FNDC3B: variants seen among roughly 807,000 people sequenced by gnomAD.
FNDC3B encodes the protein fibronectin type III domain-containing protein 3B.
A neutral mutation model predicts 151.5 loss-of-function variants in FNDC3B; 12 were observed. The observed-to-expected ratio is 0.08, with a 90% confidence interval of 0.05 to 0.13. The LOEUF is 0.13. FNDC3B is among the 10% of genes least tolerant of loss of function. FNDC3B has a pLI of 1.00. For missense variants in FNDC3B, 1,214 were observed against 1,505.3 expected (o/e 0.81, Z 3.20); for synonymous variants, 528 against 549.0 (o/e 0.96, Z 0.54).
chr3:172,250,817 TTTTTTC>T (rs1471665647), intron 5 of FNDC3B, among the ~76,000 whole-genome samples: 1 of 152,192 alleles, frequency 6.6e-6, no homozygotes, highest in Non-Finnish European at 1.5e-5. Flanking sequence ...TGGCATTTTC[TTTTTTC>T]TTTTTCTTTT....
intron 23 of FNDC3B, among the ~76,000 whole-genome samples, chr3:172,375,255 T>C (rs1735074414): frequency 6.6e-6 from 1 of 152,246 alleles, no homozygotes; most frequent in Admixed American, 6.5e-5. Flanking sequence ...GCATTAGCTA[T>C]GATCATCTTG....
intron 3 of FNDC3B, among the ~76,000 whole-genome samples, chr3:172,175,657 G>T (rs1723545021): frequency 6.6e-6 from 1 of 152,158 alleles, no homozygotes; most frequent in Non-Finnish European, 1.5e-5. Flanking sequence ...CCTTAAAGGG[G>T]TTTAAGTAAA....
intron 7 of FNDC3B, among the ~76,000 whole-genome samples, chr3:172,287,146 A>G (rs1730064434): frequency 6.6e-6 from 1 of 152,058 alleles, no homozygotes; most frequent in Non-Finnish European, 1.5e-5. Context: ...GGGAGGCTCT[A>G]CCCCCAGCTT....
chr3:172,389,759 G>A (rs1323802938), intron 25 of FNDC3B, among the ~76,000 whole-genome samples: 3 of 151,998 alleles, frequency 2.0e-5, no homozygotes, highest in African/African-American at 7.2e-5. Context: ...CCAGCTACTC[G>A]GGAGGCTGAG....
chr3:172,312,618 T>A (rs934380501), intron 11 of FNDC3B, among the ~76,000 whole-genome samples: 13 of 152,090 alleles, frequency 8.5e-5, no homozygotes, highest in African/African-American at 2.9e-4. Context: ...TCAGTTATCT[T>A]CTTAGGGCAC....
intron 3 of FNDC3B, among the ~76,000 whole-genome samples, chr3:172,142,743 T>C (rs1380885144): frequency 6.6e-6 from 1 of 152,196 alleles, no homozygotes; most frequent in Non-Finnish European, 1.5e-5. Context: ...GGAAAGTCAT[T>C]TCCTGATACT....
chr3:172,318,468 G>A (rs150042359), intron 11 of FNDC3B, among the ~76,000 whole-genome samples: 351 of 152,330 alleles, frequency 2.3e-3, no homozygotes, highest in Middle Eastern at 0.017. Context: ...CTCAAGTGTT[G>A]AATAGTTCAT....
At chr3:172,154,599 A>G (rs1394042652) in intron 3 of FNDC3B, among the ~76,000 whole-genome samples, 1 of 152,152 alleles carries the variant, frequency 6.6e-6, no homozygotes, top group African/African-American at 2.4e-5. Flanking sequence ...GAGCTGACTG[A>G]GGGCAGAGAG....
At chr3:172,075,724 A>AACACACAC (rs57920659) in intron 1 of FNDC3B, among the ~76,000 whole-genome samples, 43 of 146,954 alleles carry the variant, frequency 2.9e-4, no homozygotes, top group African/African-American at 7.8e-4. Context: ...TAGCCCAGTA[A>AACACACAC]ACACACACAC....
intron 1 of FNDC3B, among the ~76,000 whole-genome samples, chr3:172,063,575 A>G (rs374302664): frequency 6.6e-6 from 1 of 152,176 alleles, no homozygotes; most frequent in Non-Finnish European, 1.5e-5. Context: ...ACTGTCTGAT[A>G]TGATTGCTGA....
chr3:172,307,526 T>A, intron 10 of FNDC3B, 25 bp downstream of exon 10: 1 of 1,613,316 alleles, frequency 6.2e-7, no homozygotes, highest in Non-Finnish European at 8.5e-7. Context: ...GCATCAAGAA[T>A]CGTCTCAATT....
intron 19 of FNDC3B, among the ~76,000 whole-genome samples, 180 bp downstream of exon 19, chr3:172,344,438 C>T (rs1228583623): frequency 2.0e-5 from 3 of 152,130 alleles, no homozygotes; most frequent in African/African-American, 7.2e-5. Context: ...TTCATATAGA[C>T]CCAGCATTAG....
intron 1 of FNDC3B, among the ~76,000 whole-genome samples, chr3:172,059,424 T>C (rs1717078389): frequency 6.6e-6 from 1 of 152,172 alleles, no homozygotes; most frequent in Non-Finnish European, 1.5e-5. Context: ...AATTTGAAGC[T>C]TATATATAAA....
rs2108443440 is a variant in FNDC3B at position 172,039,667 on chromosome 3, G to C, written c.-133G>C. ...TGGAGGAGGAGAGCGGCGGCGGCGGGAGCAGCGAAGGGGGCGGCAGGGATC... is the reference window on the plus strand; with the variant it reads ...TGGAGGAGGAGAGCGGCGGCGGCGGCAGCAGCGAAGGGGGCGGCAGGGATC... On this transcript the variant is annotated 5_prime_UTR_variant, in exon 1 of 26. Transcript: ENST00000415807. 6.1e-6 allele frequency: 1 copy of C among 164,766 alleles called. No homozygotes were observed. The highest frequency in any genetic ancestry group is 1.3e-5 in the Non-Finnish European group (1 of 77,640). 10.2% of individuals were successfully genotyped at this position (164,766 alleles called of 1,614,324 possible).
rs544400617 is a variant in FNDC3B, at chr3:172,327,992, T to C, written c.1255-960T>C. ...TTCTTTTGCATGAACATGGATAAGA[T>C]AGTAAGATAATGTGGATATGGGTAG... On this transcript the variant is annotated intron_variant, in intron 11 of 25. Transcript: ENST00000415807. Among the ~76,000 whole-genome samples, 5 of 152,318 alleles carry C rather than the reference T, an allele frequency of 3.3e-5. No individual in the cohort carries two copies. The South Asian group carries it at 1.0e-3, about 32-fold the overall frequency.
At position 172,156,712 on chromosome 3, in the gene FNDC3B, T is replaced by TCC. The variant is rs146635056; in HGVS notation, c.187+23169_187+23170dup. Among the ~76,000 whole-genome samples, 988 of 131,594 alleles carry TCC rather than the reference T, an allele frequency of 7.5e-3. 19 individuals carry two copies. Among genetic ancestry groups the TCC allele is most frequent in the African/African-American group, 0.026 (939 of 36,210 alleles). The allele number at this position is 131,594 out of a possible 152,430, so 86.3% of individuals were successfully genotyped here. A position where few individuals can be genotyped will look rare whatever the true frequency, so the allele number is the denominator to read the frequency against. On this transcript the variant is annotated intron_variant, in intron 3 of 25. Coordinates refer to ENST00000415807, the MANE Select transcript of FNDC3B (RefSeq NM_022763.4). ...TTTTGAAGTTTTTTTTTTTTTTTTT[T>TCC]CCCCACTGTCTGCTCTCTAAAGCAA... is the stretch of plus-strand genomic sequence containing the variant.
chr3:172,236,373 A>G (rs866671878), intron 4 of FNDC3B, among the ~76,000 whole-genome samples: 1 of 152,202 alleles, frequency 6.6e-6, no homozygotes, highest in Non-Finnish European at 1.5e-5. Context: ...TTACTTAATC[A>G]TAGCTGAAGA....
rs1715967980 is a variant in FNDC3B, at chr3:172,040,398, C to T, written c.-29+627C>T. Among the ~76,000 whole-genome samples, 1 of 151,958 alleles carries T rather than the reference C, an allele frequency of 6.6e-6. No homozygotes were observed. ...CCCGAGCCCGCGCCGGCCTGGCCCC[C>T]CCGTCCCCGGCTGGGCCTCTCCGGG... On this transcript the variant is annotated intron_variant, in intron 1 of 25. Coordinates refer to ENST00000415807, the MANE Select transcript of FNDC3B (RefSeq NM_022763.4). This position sits in a 1 kb window ranked among gnomAD's most constrained non-coding sequence, Gnocchi z 6.6.
intron 4 of FNDC3B, among the ~76,000 whole-genome samples, chr3:172,231,868 CTTTA>C (rs1726908531): frequency 2.3e-5 from 3 of 129,302 alleles, no homozygotes; most frequent in Admixed American, 8.0e-5. Context: ...ATTGTATGGT[CTTTA>C]TTTACCGTTT....
Sources: allele counts gnomAD v4.1 joint callset (sites outside exome capture counted in the v4.1 genomes callset), GRCh38; gene constraint gnomAD v4.1.1; non-coding constraint Gnocchi (gnomAD v3.1); transcripts MANE v1.5; gene names NCBI Gene and HGNC (gene_info 2026-07-23, HGNC 2026-07-21).